Variants in ANKS1B observed in about 807,000 individuals in gnomAD.
The protein encoded by ANKS1B is ankyrin repeat and sterile alpha motif domain containing 1B.
In ANKS1B, 36 loss-of-function variants were observed where a neutral mutation model predicts 148.3. That is an observed-to-expected ratio of 0.24 (90% CI 0.19 to 0.32). The LOEUF (loss-of-function observed/expected upper bound fraction) is 0.32. ANKS1B is among the 10% of genes least tolerant of loss of function. The pLI is 1.00. For missense variants in ANKS1B, 1,157 were observed against 1,542.6 expected, an observed-to-expected ratio of 0.75 and a Z score of 4.19; for synonymous variants, 542 against 560.8, an observed-to-expected ratio of 0.97 and a Z score of 0.47.
chr12:98,790,225 C>A (rs1042358826), intron 22 of ANKS1B, among the ~76,000 whole-genome samples: 1 of 152,080 alleles, frequency 6.6e-6, no homozygotes, highest in Non-Finnish European at 1.5e-5. Context: ...TATGAAGGGA[C>A]CCACTGAGGA....
At chr12:99,072,688 G>A (rs1003550973) in intron 16 of ANKS1B, among the ~76,000 whole-genome samples, 2 of 152,152 alleles carry the variant, frequency 1.3e-5, no homozygotes, top group African/African-American at 4.8e-5. Context: ...AGCCGCCTCA[G>A]TATGAATTCT....
chr12:99,854,808 A>G (rs367612049), intron 1 of ANKS1B, among the ~76,000 whole-genome samples: 21 of 152,182 alleles, frequency 1.4e-4, no homozygotes, highest in Non-Finnish European at 2.8e-4. Flanking sequence ...AGCTTCATAA[A>G]TGAAGGAAAG....
chr12:99,253,967 G>T (rs546246306), intron 12 of ANKS1B, among the ~76,000 whole-genome samples: 1 of 152,250 alleles, frequency 6.6e-6, no homozygotes, highest in Non-Finnish European at 1.5e-5. Flanking sequence ...CAATTTGTGG[G>T]CCATTCTACA....
chr12:99,671,484 C>T (rs1229644261), intron 8 of ANKS1B, among the ~76,000 whole-genome samples: 1 of 152,074 alleles, frequency 6.6e-6, no homozygotes, highest in Admixed American at 6.6e-5. Context: ...TTTCAATATA[C>T]AACATATATT....
intron 15 of ANKS1B, among the ~76,000 whole-genome samples, chr12:99,110,993 C>T (rs1373563948): frequency 6.6e-6 from 1 of 152,208 alleles, no homozygotes; most frequent in African/African-American, 2.4e-5. Flanking sequence ...ACACAAACCA[C>T]TATCCATCAC....
chr12:99,329,598 T>C (rs2087113123), intron 12 of ANKS1B, among the ~76,000 whole-genome samples: 1 of 151,832 alleles, frequency 6.6e-6, no homozygotes, highest in Non-Finnish European at 1.5e-5. Context: ...CACATTCTGG[T>C]CAACAAATGT....
intron 8 of ANKS1B, among the ~76,000 whole-genome samples, chr12:99,748,246 C>T (rs1056389218): frequency 1.3e-5 from 2 of 151,894 alleles, no homozygotes. Context: ...ATGTTTGTGG[C>T]CAGATGAAAG....
At chr12:99,885,364 G>A (rs531731073) in intron 1 of ANKS1B, among the ~76,000 whole-genome samples, 3 of 141,790 alleles carry the variant, frequency 2.1e-5, no homozygotes, top group Non-Finnish European at 4.5e-5. Context: ...GCAGTGGCCC[G>A]ATCTTGGCTC....
intron 1 of ANKS1B, among the ~76,000 whole-genome samples, chr12:99,885,310 C>CT (rs369104539): frequency 0.16 from 21,405 of 129,872 alleles, 2,429 homozygotes; most frequent in Non-Finnish European, 0.24. Context: ...TTCTCATGTC[C>CT]TTTTTTTTTT....
At chr12:99,829,372 C>T (rs932671243) in intron 1 of ANKS1B, among the ~76,000 whole-genome samples, 4 of 152,090 alleles carry the variant, frequency 2.6e-5, no homozygotes, top group Admixed American at 6.5e-5. Context: ...ATAATTAGGC[C>T]GGGCGCGGTG....
intron 16 of ANKS1B, among the ~76,000 whole-genome samples, chr12:99,063,937 TG>T (rs1473973710): frequency 6.6e-6 from 1 of 152,208 alleles, no homozygotes; most frequent in African/African-American, 2.4e-5. Context: ...GACTCTGTTA[TG>T]GATACAATTT....
At chr12:99,454,382 C>G (rs2095810738) in intron 10 of ANKS1B, among the ~76,000 whole-genome samples, 1 of 152,210 alleles carries the variant, frequency 6.6e-6, no homozygotes, top group Non-Finnish European at 1.5e-5. Flanking sequence ...GAGGCCACAT[C>G]TGTGTGCTAA....
chr12:99,718,639 C>T (rs111261671), intron 8 of ANKS1B, among the ~76,000 whole-genome samples: 2 of 152,210 alleles, frequency 1.3e-5, no homozygotes, highest in African/African-American at 4.8e-5. Context: ...TCAGGATCTG[C>T]GCCTTATCAA....
At chr12:98,931,443 G>A (rs574930381) in intron 17 of ANKS1B, among the ~76,000 whole-genome samples, 54 of 152,212 alleles carry the variant, frequency 3.5e-4, no homozygotes, top group African/African-American at 1.3e-3. Context: ...AATACAATAA[G>A]GCAACTGAAT....
chr12:99,041,188 A>G (rs1471145714), intron 17 of ANKS1B, among the ~76,000 whole-genome samples: 1 of 152,194 alleles, frequency 6.6e-6, no homozygotes, highest in African/African-American at 2.4e-5. Flanking sequence ...TTACTAAAAC[A>G]AATTCCCATT....
rs191031149 is a variant in ANKS1B at position 98,981,414 on chromosome 12, C to A, written c.2778+71743G>T. 4.1e-4 allele frequency among the ~76,000 whole-genome samples: 63 copies of A among 152,270 alleles called. No homozygotes were observed. The East Asian group carries it at 0.012, about 29-fold the overall frequency. On this transcript the variant is annotated intron_variant, in intron 17 of 26. Transcript: ENST00000683438. ...GCAATGGCACGATGTCAGCTCACTG[C>A]AACATCCGCCTCCTGGGTTCAAGGG...
chr12:99,230,621 A>G (rs1247175682), intron 14 of ANKS1B, among the ~76,000 whole-genome samples: 1 of 152,168 alleles, frequency 6.6e-6, no homozygotes, highest in African/African-American at 2.4e-5. Flanking sequence ...TTGAAAGATC[A>G]AAATTTATAT....
intron 17 of ANKS1B, among the ~76,000 whole-genome samples, chr12:98,966,790 T>TA (rs1205331053): frequency 2.8e-5 from 4 of 140,966 alleles, no homozygotes; most frequent in Non-Finnish European, 6.0e-5. Flanking sequence ...ATCGCAAGGA[T>TA]AAAAAACCAA....
At chr12:99,901,450 A>G (rs1017736107) in intron 1 of ANKS1B, among the ~76,000 whole-genome samples, 12 of 152,238 alleles carry the variant, frequency 7.9e-5, no homozygotes, top group African/African-American at 2.4e-4. Context: ...TGCAAAAGAT[A>G]GAGACAGAAG....
Sources: gnomAD v4.1 joint callset for allele counts (sites outside exome capture counted in the v4.1 genomes callset) on GRCh38, gnomAD v4.1.1 for gene constraint, MANE v1.5 for transcripts, NCBI Gene and HGNC (gene_info 2026-07-23, HGNC 2026-07-21) for gene names.